Variants in PLCXD3 observed in about 807,000 individuals in gnomAD.
The protein encoded by PLCXD3 is phosphatidylinositol specific phospholipase C X domain containing 3, also known as PI-PLC X domain-containing protein 3.
PLCXD3 carries 19 observed loss-of-function variants against 25.5 expected under a neutral mutation model. The observed-to-expected ratio is 0.75, with a 90% CI of 0.52 to 1.09. PLCXD3 has a LOEUF of 1.09. PLCXD3 is among the 50% of genes least tolerant of loss of function. The pLI, the probability that PLCXD3 is intolerant of heterozygous loss-of-function variation, is 0.00. For synonymous variants in PLCXD3, 174 were observed against 137.6 expected (o/e 1.26, Z -1.85); for missense variants, 411 against 388.1 (o/e 1.06, Z -0.50).
intron 2 of PLCXD3, among the ~76,000 whole-genome samples, chr5:41,344,800 A>G (rs183630444): frequency 6.6e-6 from 1 of 152,300 alleles, no homozygotes; most frequent in Admixed American, 6.5e-5. Context: ...ACTTCATATA[A>G]TTAAAAATTA....
chr5:41,399,144 A>C (rs1746101982), intron 1 of PLCXD3, among the ~76,000 whole-genome samples: 1 of 152,176 alleles, frequency 6.6e-6, no homozygotes. Flanking sequence ...TAACCAAAGA[A>C]GTGAAAGATC....
chr5:41,496,106 G>C (rs1257389768), intron 1 of PLCXD3, among the ~76,000 whole-genome samples: 3 of 152,022 alleles, frequency 2.0e-5, no homozygotes, highest in Admixed American at 6.6e-5. Flanking sequence ...TTCAAGAGCA[G>C]ACTTGATCAA....
At chr5:41,319,041 G>A (rs1461297748) in intron 2 of PLCXD3, among the ~76,000 whole-genome samples, 1 of 152,112 alleles carries the variant, frequency 6.6e-6, no homozygotes, top group African/African-American at 2.4e-5. Flanking sequence ...CCATGATAAA[G>A]GTTTCAATTC....
intron 1 of PLCXD3, among the ~76,000 whole-genome samples, chr5:41,509,429 G>T (rs1165218574): frequency 1.3e-5 from 2 of 152,042 alleles, no homozygotes; most frequent in African/African-American, 4.8e-5. Flanking sequence ...GTCCTGAAAC[G>T]ACCCTCACTC....
chr5:41,472,831 C>T (rs967653174), intron 1 of PLCXD3, among the ~76,000 whole-genome samples: 2 of 152,068 alleles, frequency 1.3e-5, no homozygotes, highest in Admixed American at 6.6e-5. Context: ...ATTGTAGGTA[C>T]TAATATAAAT....
At chr5:41,379,956 A>C (rs1003492732) in intron 2 of PLCXD3, among the ~76,000 whole-genome samples, 72 of 152,194 alleles carry the variant, frequency 4.7e-4, no homozygotes, top group African/African-American at 1.7e-3. Flanking sequence ...ATGTTATTTA[A>C]ATTTTAAGGA....
intron 2 of PLCXD3, among the ~76,000 whole-genome samples, chr5:41,315,827 G>A (rs919955290): frequency 2.6e-5 from 4 of 152,160 alleles, no homozygotes; most frequent in South Asian, 2.1e-4. Context: ...CTAACTCAGC[G>A]GACGCCCAGT....
chr5:41,509,686 C>T (rs1251372468), intron 1 of PLCXD3, among the ~76,000 whole-genome samples: 3 of 152,256 alleles, frequency 2.0e-5, no homozygotes, highest in Non-Finnish European at 4.4e-5. Context: ...CTGTCCCGAG[C>T]AGTAAACATA....
chr5:41,407,823 A>T (rs1465920235), intron 1 of PLCXD3, among the ~76,000 whole-genome samples: 5 of 152,214 alleles, frequency 3.3e-5, no homozygotes, highest in South Asian at 2.1e-4. Context: ...TCATGCTGTG[A>T]TTTCTCTTTG....
chr5:41,381,872 C>A lies in PLCXD3; in HGVS notation c.766G>T (p.Val256Leu). ...AGGCCACTTGCCACCCCTTTGACCACAGTGCTAGCTTTGGGGGTCAGCACC... is the reference window on the plus strand; with the variant it reads ...AGGCCACTTGCCACCCCTTTGACCAAAGTGCTAGCTTTGGGGGTCAGCACC... ...QVVLTPKAST[V>L]VKGVASGLRE... Residue 256 changes from valine (V) to leucine (L), a missense_variant, in exon 2 of 3, where the codon GTG (valine) becomes TTG (leucine). Coordinates refer to ENST00000377801, the MANE Select transcript of PLCXD3 (RefSeq NM_001005473.3). 1.2e-6 allele frequency: 2 copies of A among 1,612,888 alleles called. No homozygotes were observed. The highest frequency in any genetic ancestry group is 1.7e-6 in the Non-Finnish European group (2 of 1,179,584).
rs1416014170 is a variant in PLCXD3, at chr5:41,446,169, TC to T, written c.104-63636del. ...TCCAGTCTGGGCGACGGAGCCAGACTCCTTCTCAAAAAAAAAAAAAAAAAAA... is the reference window on the plus strand; with the variant it reads ...TCCAGTCTGGGCGACGGAGCCAGACTCTTCTCAAAAAAAAAAAAAAAAAAA... On this transcript the variant is annotated intron_variant, in intron 1 of 2. Coordinates refer to ENST00000377801, the MANE Select transcript of PLCXD3 (RefSeq NM_001005473.3). Among the ~76,000 whole-genome samples the T allele has an allele frequency of 2.6e-4, 5 of 18,910 alleles. No individual in the cohort carries two copies. The East Asian group carries it at 0.011, about 42-fold the overall frequency. The allele number at this position is 18,910 out of a possible 152,430, so 12.4% of individuals were successfully genotyped here. A position where few individuals can be genotyped will look rare whatever the true frequency, so the allele number is the denominator to read the frequency against.
At chr5:41,455,495 A>AAAGGGGT in intron 1 of PLCXD3, among the ~76,000 whole-genome samples, 1 of 151,932 alleles carries the variant, frequency 6.6e-6, no homozygotes, top group Non-Finnish European at 1.5e-5. Context: ...CAGCCAGAGC[A>AAAGGGGT]AAGGGGTAAG....
At chr5:41,425,657 T>C (rs1215006686) in intron 1 of PLCXD3, among the ~76,000 whole-genome samples, 2 of 152,216 alleles carry the variant, frequency 1.3e-5, no homozygotes, top group Non-Finnish European at 2.9e-5. Flanking sequence ...TTCTAACCCC[T>C]GGCCAACACT....
rs71608605 is a variant in PLCXD3, at chr5:41,372,298, T to TCA, written c.812+9526_812+9527dup. 6.7e-3 allele frequency among the ~76,000 whole-genome samples: 746 copies of TCA among 110,774 alleles called. 15 individuals carry two copies. The highest frequency in any genetic ancestry group is 0.055 in the East Asian group (219 of 3,980). 72.7% of individuals were successfully genotyped at this position (110,774 alleles called of 152,430 possible). A position where few individuals can be genotyped will look rare whatever the true frequency, so the allele number is the denominator to read the frequency against. On this transcript the variant is annotated intron_variant, in intron 2 of 2. Coordinates refer to ENST00000377801, the MANE Select transcript of PLCXD3 (RefSeq NM_001005473.3). ...TTCATTCTCTCTCTCTCTCTCTCTCTCACACACACACACACACACACACAC... is the reference window on the plus strand; with the variant it reads ...TTCATTCTCTCTCTCTCTCTCTCTCTCACACACACACACACACACACACACAC...
intron 1 of PLCXD3, among the ~76,000 whole-genome samples, chr5:41,422,728 T>G (rs1216297170): frequency 1.3e-5 from 2 of 152,238 alleles, no homozygotes; most frequent in African/African-American, 2.4e-5. Flanking sequence ...GCTCCTTTTG[T>G]CAGATTTATT....
At chr5:41,374,231 A>T (rs894521857) in intron 2 of PLCXD3, among the ~76,000 whole-genome samples, 1 of 152,080 alleles carries the variant, frequency 6.6e-6, no homozygotes, top group Non-Finnish European at 1.5e-5. Flanking sequence ...TAAGAATGAA[A>T]CACTTTGAGC....
rs569633917 is a variant in PLCXD3, at chr5:41,437,485, G to A, written c.104-54951C>T. Among the ~76,000 whole-genome samples, 75 of 152,342 alleles carry A rather than the reference G, an allele frequency of 4.9e-4. 1 individual carries two copies. The highest frequency in any genetic ancestry group is 1.7e-3 in the African/African-American group (69 of 41,586). ...AGGTGAGGGAAGACCTTCTTGCAGAGGTGATGTTTGAGGAGCAAATAGAAT... is the reference window on the plus strand; with the variant it reads ...AGGTGAGGGAAGACCTTCTTGCAGAAGTGATGTTTGAGGAGCAAATAGAAT... On this transcript the variant is annotated intron_variant, in intron 1 of 2. Transcript: ENST00000377801.
intron 1 of PLCXD3, among the ~76,000 whole-genome samples, chr5:41,471,152 C>G (rs1202495807): frequency 6.6e-6 from 1 of 152,014 alleles, no homozygotes; most frequent in East Asian, 1.9e-4. Context: ...GTACCCTCTG[C>G]AAGGACACCA....
chr5:41,413,086 T>C (rs933106285), intron 1 of PLCXD3, among the ~76,000 whole-genome samples: 2 of 152,238 alleles, frequency 1.3e-5, no homozygotes, highest in South Asian at 4.1e-4. Context: ...TTTATTGTAT[T>C]ACACTTACTA....
Sources: allele counts gnomAD v4.1 joint callset (sites outside exome capture counted in the v4.1 genomes callset), GRCh38; gene constraint gnomAD v4.1.1; transcripts MANE v1.5; gene names NCBI Gene and HGNC (gene_info 2026-07-23, HGNC 2026-07-21).